Variants in PCDH15 observed in about 807,000 individuals in gnomAD.
PCDH15 encodes protocadherin related 15.
In PCDH15, 129 loss-of-function variants were observed where a neutral mutation model predicts 178.5. The ratio of observed to expected loss-of-function variants is 0.72; its 90% CI spans 0.63 to 0.84. The LOEUF (loss-of-function observed/expected upper bound fraction) is 0.84, where lower values mean the gene tolerates loss of function less well. Among genes scored for constraint, PCDH15 ranks in the 40% least tolerant of loss-of-function variants. PCDH15 has a pLI of 0.00. For synonymous variants in PCDH15, 800 were observed against 732.0 expected (o/e 1.09, Z -1.50); for missense variants, 2,230 against 2,099.9 (o/e 1.06, Z -1.21).
At chr10:53,934,158 A>G (rs1265463920) in intron 25 of PCDH15, among the ~76,000 whole-genome samples, 8 of 152,250 alleles carry the variant, frequency 5.3e-5, no homozygotes, top group Non-Finnish European at 1.0e-4. Context: ...TGATGAAAAG[A>G]TAAGAGAAGA....
At chr10:55,577,563 T>C (rs1842520795) in intron 2 of PCDH15, among the ~76,000 whole-genome samples, 1 of 152,158 alleles carries the variant, frequency 6.6e-6, no homozygotes, top group African/African-American at 2.4e-5. Flanking sequence ...AGTAACTATT[T>C]TGAAGACTTT....
At chr10:54,998,463 C>T (rs1839705670) in intron 2 of PCDH15, among the ~76,000 whole-genome samples, 1 of 151,748 alleles carries the variant, frequency 6.6e-6, no homozygotes, top group Non-Finnish European at 1.5e-5. Flanking sequence ...TTAAAATACC[C>T]TTCTGCTTTT....
rs1325977670 is a variant in PCDH15 at position 54,307,043 on chromosome 10, T to C, written c.876+10228A>G. Among the ~76,000 whole-genome samples the C allele has an allele frequency of 2.5e-3, 21 of 8,448 alleles. 1 individual carries two copies. Among genetic ancestry groups the C allele is most frequent in the Middle Eastern group, 0.1 (1 of 10 alleles). The allele number at this position is 8,448 out of a possible 152,430, so 5.5% of individuals were successfully genotyped here. On this transcript the variant is annotated intron_variant, in intron 8 of 37. Coordinates refer to ENST00000644397, the MANE Select transcript of PCDH15 (RefSeq NM_001384140.1). ...ATATATATATATGTGTGTGTGTGTA[T>C]ATATATATATATATATATATATATA...
chr10:54,148,681 G>A (rs892976406), intron 14 of PCDH15, among the ~76,000 whole-genome samples: 48 of 152,024 alleles, frequency 3.2e-4, no homozygotes, highest in African/African-American at 8.9e-4. Flanking sequence ...CCCAAGCCAT[G>A]TGCACCCCTA....
intron 21 of PCDH15, among the ~76,000 whole-genome samples, chr10:53,971,137 G>A (rs192841965): frequency 1.7e-3 from 257 of 152,180 alleles, no homozygotes; most frequent in African/African-American, 5.4e-3. Context: ...TTCAACATAC[G>A]CAAATCAATA....
chr10:53,810,139 G>A (rs1254338238), intron 37 of PCDH15, among the ~76,000 whole-genome samples: 1 of 152,066 alleles, frequency 6.6e-6, no homozygotes, highest in African/African-American at 2.4e-5. Flanking sequence ...AAAATTATTT[G>A]TGGAAATAAT....
chr10:54,580,463 A>T (rs1345132117), intron 2 of PCDH15, among the ~76,000 whole-genome samples: 1 of 152,000 alleles, frequency 6.6e-6, no homozygotes, highest in Non-Finnish European at 1.5e-5. Flanking sequence ...AAACCCTATG[A>T]ATCAACTAAT....
chr10:53,825,228 A>G, intron 32 of PCDH15: 1 of 1,423,074 alleles, frequency 7.0e-7, no homozygotes, highest in Non-Finnish European at 9.2e-7. Flanking sequence ...TTCTGAAAAT[A>G]TGAGCAGGAA....
rs575251856 is a variant in PCDH15 at position 55,276,606 on chromosome 10, T to G, written c.-156+42993A>C. On this transcript the variant is annotated intron_variant, in intron 1 of 5. Transcript: ENST00000458638. ...TTTTATAACTTCTTCATTCAATATT[T>G]TTATATTATCATTAGAAATTTTGCA... 2.6e-4 allele frequency among the ~76,000 whole-genome samples: 40 copies of G among 151,888 alleles called. 1 individual carries two copies. Among genetic ancestry groups the G allele is most frequent in the African/African-American group, 9.7e-4 (40 of 41,442 alleles).
intron 1 of PCDH15, among the ~76,000 whole-genome samples, chr10:54,789,227 T>C (rs1467887133): frequency 2.6e-5 from 4 of 151,918 alleles, no homozygotes; most frequent in Admixed American, 1.3e-4. Flanking sequence ...CTTAAAGACA[T>C]ACTATGTGTG....
At chr10:53,954,885 T>C (rs2134221507) in intron 23 of PCDH15, among the ~76,000 whole-genome samples, 1 of 152,362 alleles carries the variant, frequency 6.6e-6, no homozygotes, top group Non-Finnish European at 1.5e-5. Context: ...CATTAGCTCA[T>C]GTACCCCATG....
intron 2 of PCDH15, among the ~76,000 whole-genome samples, chr10:55,411,682 G>A (rs747843202): frequency 1.9e-4 from 29 of 152,006 alleles, no homozygotes; most frequent in East Asian, 3.9e-4. Context: ...AATTGACTAC[G>A]AAACAGATTT....
At chr10:55,612,340 A>G (rs754039609) in intron 2 of PCDH15, among the ~76,000 whole-genome samples, 10 of 152,106 alleles carry the variant, frequency 6.6e-5, no homozygotes, top group Non-Finnish European at 1.3e-4. Context: ...AGCTGAGCCA[A>G]GAATCCAAGA....
intron 18 of PCDH15, among the ~76,000 whole-genome samples, chr10:54,033,609 T>G (rs1290262941): frequency 6.6e-6 from 1 of 151,970 alleles, no homozygotes; most frequent in African/African-American, 2.4e-5. Context: ...TACTCAATAC[T>G]CATCACTTCT....
rs2131916664 is a variant in PCDH15 at position 54,990,861 on chromosome 10, C to G, written c.-79-93361G>C. Among the ~76,000 whole-genome samples, 2 of 152,098 alleles carry G rather than the reference C, an allele frequency of 1.3e-5. 1 individual carries two copies. The highest frequency in any genetic ancestry group is 3.9e-4 in the East Asian group (2 of 5,174). On this transcript the variant is annotated intron_variant, in intron 2 of 5. Coordinates refer to the PCDH15 transcript ENST00000458638. ...AGGAAATCCCCTCAGGATAATAATA[C>G]TGTTTTAGTTTTCTCATAGTAATTT...
At chr10:55,049,039 G>T (rs1005789262) in intron 2 of PCDH15, among the ~76,000 whole-genome samples, 10 of 151,990 alleles carry the variant, frequency 6.6e-5, no homozygotes, top group African/African-American at 2.4e-4. Flanking sequence ...GACCATTGCT[G>T]CACTCATCCA....
intron 2 of PCDH15, among the ~76,000 whole-genome samples, chr10:55,490,616 A>G (rs952976120): frequency 6.6e-6 from 1 of 151,760 alleles, no homozygotes. Context: ...TTTACTTTAG[A>G]AAGCTAAAAA....
intron 2 of PCDH15, among the ~76,000 whole-genome samples, chr10:55,156,039 C>T (rs911752654): frequency 1.3e-5 from 2 of 151,976 alleles, no homozygotes; most frequent in African/African-American, 4.8e-5. Flanking sequence ...CACAGGAAAC[C>T]CACGAAGAGA....
intron 26 of PCDH15, among the ~76,000 whole-genome samples, chr10:53,869,460 G>T (rs1275521558): frequency 1.3e-5 from 2 of 152,132 alleles, no homozygotes; most frequent in Non-Finnish European, 1.5e-5. Context: ...TGTCAGATCA[G>T]TCAGATTTGG....
Sources: gnomAD v4.1 joint callset for allele counts (sites outside exome capture counted in the v4.1 genomes callset) on GRCh38, gnomAD v4.1.1 for gene constraint, MANE v1.5 for transcripts, NCBI Gene and HGNC (gene_info 2026-07-23, HGNC 2026-07-21) for gene names.